Variants in SDK1 observed in about 807,000 individuals in gnomAD.
SDK1 encodes sidekick cell adhesion molecule 1.
In SDK1, 157 loss-of-function variants were observed where a neutral mutation model predicts 245.5. The ratio of observed to expected loss-of-function variants is 0.64; its 90% CI spans 0.56 to 0.73. The LOEUF (loss-of-function observed/expected upper bound fraction) is 0.73. Among genes scored for constraint, SDK1 ranks in the 30% least tolerant of loss-of-function variants. The probability of loss-of-function intolerance (pLI) is 0.00; values close to 1 mark genes in which losing one functional copy is unlikely to be tolerated. For synonymous variants in SDK1, 1,647 were observed against 1,278.5 expected (o/e 1.29, Z -6.15); for missense variants, 3,583 against 3,002.3 (o/e 1.19, Z -4.52).
chr7:3,811,006 T>C (rs1461687556), intron 4 of SDK1, among the ~76,000 whole-genome samples: 1 of 152,198 alleles, frequency 6.6e-6, no homozygotes, highest in Non-Finnish European at 1.5e-5. Flanking sequence ...ACTAAAACTC[T>C]AGGAAGTATT....
chr7:3,975,776 C>T (rs896396062), intron 13 of SDK1, among the ~76,000 whole-genome samples: 12 of 152,246 alleles, frequency 7.9e-5, no homozygotes, highest in Non-Finnish European at 1.3e-4. Flanking sequence ...TCCAGGATGA[C>T]CCCTTGTTCT....
At chr7:3,790,287 A>T (rs1018453659) in intron 4 of SDK1, among the ~76,000 whole-genome samples, 1 of 152,166 alleles carries the variant, frequency 6.6e-6, no homozygotes, top group African/African-American at 2.4e-5. Flanking sequence ...AACAGAAATT[A>T]TACTAGGTAT....
At chr7:3,809,781 G>A (rs112836540) in intron 4 of SDK1, among the ~76,000 whole-genome samples, 4 of 152,320 alleles carry the variant, frequency 2.6e-5, no homozygotes, top group African/African-American at 7.2e-5. Flanking sequence ...CAAGTCCTCT[G>A]CCTGGTGCGC....
chr7:3,723,514 C>A (rs6952117), intron 4 of SDK1, among the ~76,000 whole-genome samples: 20,966 of 151,994 alleles, frequency 0.14, 2,197 homozygotes, highest in African/African-American at 0.29. Context: ...AAATTAGAAA[C>A]ATCAGTGAGA....
chr7:3,433,447 G>A (rs181448858), intron 1 of SDK1, among the ~76,000 whole-genome samples: 30 of 152,216 alleles, frequency 2.0e-4, no homozygotes, highest in African/African-American at 7.0e-4. Context: ...AGGTAAGGAA[G>A]GTTCCTGGAT....
intron 1 of SDK1, among the ~76,000 whole-genome samples, chr7:3,474,784 G>C (rs927681568): frequency 2.6e-5 from 4 of 152,130 alleles, no homozygotes; most frequent in African/African-American, 9.7e-5. Context: ...TGGAACTCCT[G>C]GGTTCAAGCG....
intron 4 of SDK1, among the ~76,000 whole-genome samples, chr7:3,819,489 T>C (rs1779591658): frequency 6.6e-6 from 1 of 152,120 alleles, no homozygotes; most frequent in African/African-American, 2.4e-5. Flanking sequence ...AAGAAAAAGT[T>C]ATATATTCAG....
At chr7:3,449,826 A>C (rs936061461) in intron 1 of SDK1, among the ~76,000 whole-genome samples, 5 of 152,216 alleles carry the variant, frequency 3.3e-5, no homozygotes, top group Non-Finnish European at 7.3e-5. Flanking sequence ...GGGAATAAAG[A>C]TGAAGGGTGT....
chr7:3,549,401 A>G (rs1053121191), intron 1 of SDK1, among the ~76,000 whole-genome samples: 12 of 152,252 alleles, frequency 7.9e-5, no homozygotes, highest in Non-Finnish European at 1.3e-4. Context: ...TTTGATATAC[A>G]TAGAATTCTT....
intron 4 of SDK1, among the ~76,000 whole-genome samples, chr7:3,805,821 T>G (rs1779226980): frequency 6.6e-6 from 1 of 152,190 alleles, no homozygotes; most frequent in Non-Finnish European, 1.5e-5. Context: ...AGATCATTAG[T>G]GATCTGTCAA....
chr7:4,119,911 A>G (rs1783953988), intron 25 of SDK1, among the ~76,000 whole-genome samples: 2 of 149,156 alleles, frequency 1.3e-5, no homozygotes, highest in Non-Finnish European at 3.0e-5. Flanking sequence ...TACATTTAAA[A>G]TTATTAAAGT....
intron 25 of SDK1, among the ~76,000 whole-genome samples, chr7:4,122,251 C>A (rs375744334): frequency 5.3e-5 from 8 of 152,124 alleles, no homozygotes; most frequent in African/African-American, 1.9e-4. Context: ...TTGGGCCTTC[C>A]CTGGCCCTAC....
At chr7:3,739,400 C>T (rs1052486435) in intron 4 of SDK1, among the ~76,000 whole-genome samples, 1 of 151,850 alleles carries the variant, frequency 6.6e-6, no homozygotes, top group Non-Finnish European at 1.5e-5. Flanking sequence ...TGTTACTTTC[C>T]CTTCCATCTT....
intron 2 of SDK1, among the ~76,000 whole-genome samples, chr7:3,632,496 A>G (rs1213083788): frequency 1.3e-5 from 2 of 152,200 alleles, no homozygotes; most frequent in Non-Finnish European, 2.9e-5. Context: ...TGATACCAGG[A>G]GAGCTTATAT....
intron 5 of SDK1, among the ~76,000 whole-genome samples, chr7:3,824,766 T>A (rs1414476440): frequency 2.6e-5 from 4 of 152,092 alleles, no homozygotes; most frequent in Non-Finnish European, 4.4e-5. Context: ...GATAGATAGG[T>A]TTTAGATTTA....
chr7:3,536,366 A>G (rs568944091), intron 1 of SDK1, among the ~76,000 whole-genome samples: 3 of 152,138 alleles, frequency 2.0e-5, no homozygotes, highest in East Asian at 3.9e-4. Context: ...GCACCCGGCC[A>G]CTAGCAGAAT....
At position 4,051,686 on chromosome 7, in the gene SDK1, A is replaced by G. The variant is rs150377995; in HGVS notation, c.2767A>G (p.Ile923Val). ...CCCCGAGGCTGTCACTGTGGTCACT[A>G]TTGCCCCAGATTTCCACGGAGTCCA... ...DAPEAVTVVT[I>V]APDFHGVHHG... Residue 923 changes from isoleucine to valine, a missense_variant, in exon 19 of 45, where the codon ATT becomes GTT. Ile to Val is a conservative substitution (Grantham distance 29). Transcript: ENST00000404826. 12 of 1,613,324 alleles carry G rather than the reference A, an allele frequency of 7.4e-6. No individual in the cohort carries two copies. The highest frequency in any genetic ancestry group is 3.3e-5 in the Admixed American group (2 of 59,894).
intron 1 of SDK1, among the ~76,000 whole-genome samples, chr7:3,340,215 A>G (rs957874654): frequency 2.0e-5 from 3 of 152,096 alleles, no homozygotes; most frequent in African/African-American, 7.2e-5. Context: ...GATGTGGCGG[A>G]TTTGGTTTCA....
chr7:3,482,681 C>T (rs1326092484), intron 1 of SDK1, among the ~76,000 whole-genome samples: 1 of 152,170 alleles, frequency 6.6e-6, no homozygotes, highest in Non-Finnish European at 1.5e-5. Flanking sequence ...AACAATTCAA[C>T]GTGGTCTTCA....
Sources: gnomAD v4.1 joint callset for allele counts (sites outside exome capture counted in the v4.1 genomes callset) on GRCh38, gnomAD v4.1.1 for gene constraint, MANE v1.5 for transcripts, NCBI Gene and HGNC (gene_info 2026-07-23, HGNC 2026-07-21) for gene names.